LDAH: variants seen among roughly 807,000 people sequenced by gnomAD.
LDAH encodes lipid droplet associated hydrolase, also known as lipid droplet-associated hydrolase.
Under a neutral mutation model 29.6 loss-of-function variants are expected in LDAH, and 26 were observed. That is an observed-to-expected ratio of 0.88 (90% CI 0.64 to 1.22). LDAH has a LOEUF of 1.22. LDAH is among the 50% of genes most tolerant of loss of function. The pLI, the probability that LDAH is intolerant of heterozygous loss-of-function variation, is 0.00. For synonymous variants in LDAH, 117 were observed against 133.0 expected, an observed-to-expected ratio of 0.88 and a Z score of 0.83; for missense variants, 344 against 387.3, an observed-to-expected ratio of 0.89 and a Z score of 0.94.
chr2:20,711,767 C>A (rs1208255859), intron 5 of LDAH, among the ~76,000 whole-genome samples: 4 of 152,266 alleles, frequency 2.6e-5, no homozygotes, highest in Non-Finnish European at 4.4e-5. Context: ...CCCACGCCCA[C>A]AGAGCCTTGC....
At chr2:20,749,247 T>C (rs1310174856) in intron 4 of LDAH, among the ~76,000 whole-genome samples, 1 of 152,164 alleles carries the variant, frequency 6.6e-6, no homozygotes, top group Non-Finnish European at 1.5e-5. Context: ...ATTTCTTCTC[T>C]ATAAGGGTCA....
At chr2:20,749,118 T>C (rs1667782309) in intron 4 of LDAH, among the ~76,000 whole-genome samples, 1 of 152,030 alleles carries the variant, frequency 6.6e-6, no homozygotes, top group Admixed American at 6.6e-5. Flanking sequence ...GACACAGGGG[T>C]GACAAGACAA....
intron 4 of LDAH, among the ~76,000 whole-genome samples, chr2:20,750,726 T>G (rs1667911166): frequency 1.3e-5 from 2 of 152,246 alleles, no homozygotes; most frequent in South Asian, 4.1e-4. Context: ...ATTGTTGTGC[T>G]ATTCACAATA....
At chr2:20,721,478 C>G (rs150298048) in intron 5 of LDAH, among the ~76,000 whole-genome samples, 102 of 152,102 alleles carry the variant, frequency 6.7e-4, no homozygotes, top group African/African-American at 2.4e-3. Flanking sequence ...TCTCACAAAT[C>G]ACCACTAAAG....
chr2:20,805,798 T>C (rs1672028048), intron 1 of LDAH, among the ~76,000 whole-genome samples: 1 of 152,050 alleles, frequency 6.6e-6, no homozygotes, highest in African/African-American at 2.4e-5. Flanking sequence ...AAATTTATAA[T>C]ATTTGTTATA....
intron 5 of LDAH, among the ~76,000 whole-genome samples, chr2:20,735,229 T>C (rs1365617408): frequency 6.6e-6 from 1 of 152,198 alleles, no homozygotes; most frequent in Non-Finnish European, 1.5e-5. Context: ...CTACTCTCTA[T>C]TTCTAGGACT....
chr2:20,694,788 G>A (rs1663311889), intron 6 of LDAH, among the ~76,000 whole-genome samples: 1 of 152,194 alleles, frequency 6.6e-6, no homozygotes, highest in South Asian at 2.1e-4. Context: ...AACCATCTGT[G>A]TATACAGCGG....
intron 5 of LDAH, among the ~76,000 whole-genome samples, chr2:20,728,667 G>T (rs1008728609): frequency 6.6e-6 from 1 of 152,146 alleles, no homozygotes; most frequent in Non-Finnish European, 1.5e-5. Context: ...TGGCACTGGG[G>T]ATCTAGAGGG....
At chr2:20,778,214 C>T (rs2125030172) in intron 3 of LDAH, among the ~76,000 whole-genome samples, 1 of 152,190 alleles carries the variant, frequency 6.6e-6, no homozygotes, top group African/African-American at 2.4e-5. Flanking sequence ...TAACCCCAGC[C>T]CCAATATCAT....
intron 5 of LDAH, among the ~76,000 whole-genome samples, chr2:20,732,661 T>A (rs1455522197): frequency 6.6e-6 from 1 of 152,228 alleles, no homozygotes; most frequent in African/African-American, 2.4e-5. Context: ...AGTTGTCAAA[T>A]TTATATGTGT....
chr2:20,743,289 A>G (rs1667326446), intron 4 of LDAH, among the ~76,000 whole-genome samples: 1 of 147,882 alleles, frequency 6.8e-6, no homozygotes, highest in Non-Finnish European at 1.5e-5. Flanking sequence ...TGCAATATCC[A>G]TTTACAACTA....
intron 5 of LDAH, among the ~76,000 whole-genome samples, chr2:20,703,242 C>G (rs1664078173): frequency 6.6e-6 from 1 of 152,214 alleles, no homozygotes. Flanking sequence ...GTTGTAGTGC[C>G]AAACCATAGT....
intron 3 of LDAH, among the ~76,000 whole-genome samples, chr2:20,787,475 G>T (rs1461562717): frequency 1.3e-5 from 2 of 152,026 alleles, no homozygotes; most frequent in African/African-American, 4.8e-5. Flanking sequence ...TGTACTTTTA[G>T]TAGAGATGCA....
intron 6 of LDAH, among the ~76,000 whole-genome samples, chr2:20,694,246 C>T (rs1231097095): frequency 1.3e-5 from 2 of 152,204 alleles, no homozygotes; most frequent in Non-Finnish European, 2.9e-5. Context: ...CCAATGCATG[C>T]CCATTTCTGG....
intron 4 of LDAH, among the ~76,000 whole-genome samples, chr2:20,750,417 T>G (rs1012428671): frequency 1.3e-5 from 2 of 152,212 alleles, no homozygotes; most frequent in Non-Finnish European, 1.5e-5. Flanking sequence ...CTAATGGGAC[T>G]GGATAGCATT....
intron 5 of LDAH, among the ~76,000 whole-genome samples, chr2:20,733,717 T>G (rs1009032616): frequency 6.6e-6 from 1 of 151,642 alleles, no homozygotes; most frequent in African/African-American, 2.4e-5. Context: ...TTTTAAATTT[T>G]TTATAGAGAC....
chr2:20,742,172 T>C (rs756311404), intron 4 of LDAH, among the ~76,000 whole-genome samples: 2 of 152,244 alleles, frequency 1.3e-5, no homozygotes, highest in Non-Finnish European at 2.9e-5. Flanking sequence ...AGGCATTATA[T>C]AATTTCTATT....
intron 4 of LDAH, among the ~76,000 whole-genome samples, chr2:20,759,704 C>G (rs748617545): frequency 7.9e-5 from 12 of 152,194 alleles, no homozygotes; most frequent in Non-Finnish European, 1.8e-4. Flanking sequence ...TGTTGTTCAT[C>G]TGTTTCCACT....
intron 1 of LDAH, among the ~76,000 whole-genome samples, chr2:20,819,658 T>C (rs1243105642): frequency 6.6e-6 from 1 of 152,168 alleles, no homozygotes; most frequent in Non-Finnish European, 1.5e-5. Context: ...GCCAATATCA[T>C]ACTGAATGGG....
Sources: allele counts gnomAD v4.1 joint callset (sites outside exome capture counted in the v4.1 genomes callset), GRCh38; gene constraint gnomAD v4.1.1; transcripts MANE v1.5; gene names NCBI Gene and HGNC (gene_info 2026-07-23, HGNC 2026-07-21).